The following NRG1 variants were observed in gnomAD, a reference collection of about 807,000 sequenced individuals.
NRG1 encodes the protein neuregulin 1.
NRG1 carries 18 observed loss-of-function variants against 63.8 expected under a neutral mutation model. The observed-to-expected ratio is 0.28, with a 90% CI of 0.19 to 0.42. The LOEUF (loss-of-function observed/expected upper bound fraction) is 0.42, where lower values mean the gene tolerates loss of function less well. Ranked by LOEUF, NRG1 falls within the 10% of genes least tolerant of loss-of-function variation. The pLI is 1.00. For missense variants in NRG1, 762 were observed against 814.7 expected, an observed-to-expected ratio of 0.94 and a Z score of 0.79; for synonymous variants, 302 against 301.3, an observed-to-expected ratio of 1.00 and a Z score of -0.02.
chr8:32,193,038 T>A (rs1259301901), intron 1 of NRG1, among the ~76,000 whole-genome samples: 2 of 152,190 alleles, frequency 1.3e-5, no homozygotes, highest in African/African-American at 2.4e-5. Context: ...CTGGTGCATA[T>A]ATAAATGAAT....
At chr8:32,505,211 G>T (rs1828379103) in intron 1 of NRG1, among the ~76,000 whole-genome samples, 1 of 152,164 alleles carries the variant, frequency 6.6e-6, no homozygotes, top group East Asian at 1.9e-4. Flanking sequence ...GGGGTTGGGG[G>T]GATGATTTTT....
At chr8:32,189,130 C>G (rs1370171659) in intron 1 of NRG1, among the ~76,000 whole-genome samples, 1 of 152,006 alleles carries the variant, frequency 6.6e-6, no homozygotes, top group African/African-American at 2.4e-5. Context: ...AAGATTTCAA[C>G]ATTTGCTTTA....
chr8:31,936,881 G>A (rs1020366367), intron 1 of NRG1, among the ~76,000 whole-genome samples: 3 of 152,152 alleles, frequency 2.0e-5, no homozygotes, highest in African/African-American at 7.2e-5. Context: ...TGCTCTTATA[G>A]CCAAGTAAAT....
At chr8:32,581,298 A>G (rs1180686484) in intron 1 of NRG1, among the ~76,000 whole-genome samples, 2 of 152,224 alleles carry the variant, frequency 1.3e-5, no homozygotes, top group Non-Finnish European at 2.9e-5. Context: ...GAAGAAGAAT[A>G]TAGAGCGTTC....
intron 1 of NRG1, among the ~76,000 whole-genome samples, chr8:31,933,529 G>A (rs1402363421): frequency 2.6e-5 from 4 of 152,058 alleles, no homozygotes; most frequent in African/African-American, 4.8e-5. Flanking sequence ...TGATCCACTC[G>A]CCTCAGCCTT....
At chr8:32,603,436 A>C (rs1444847785) in intron 2 of NRG1, among the ~76,000 whole-genome samples, 1 of 152,078 alleles carries the variant, frequency 6.6e-6, no homozygotes, top group Non-Finnish European at 1.5e-5. Flanking sequence ...TTGTTACCTC[A>C]TGTTTACCTG....
chr8:32,752,322 C>A (rs1013511406), intron 7 of NRG1, among the ~76,000 whole-genome samples: 3 of 152,138 alleles, frequency 2.0e-5, no homozygotes. Context: ...GAAATTAATT[C>A]CCTGTCCTGT....
At chr8:31,677,204 C>T (rs890156984) in intron 1 of NRG1, among the ~76,000 whole-genome samples, 1 of 152,096 alleles carries the variant, frequency 6.6e-6, no homozygotes, top group Non-Finnish European at 1.5e-5. Context: ...GATAGGACAT[C>T]GCTTTTGATA....
chr8:32,618,797 AG>A (rs973208109), intron 5 of NRG1, among the ~76,000 whole-genome samples: 3 of 152,162 alleles, frequency 2.0e-5, no homozygotes, highest in African/African-American at 4.8e-5. Flanking sequence ...ACAGTAGAGG[AG>A]GGGAGGGGAT....
At chr8:31,717,407 G>A (rs548687644) in intron 1 of NRG1, among the ~76,000 whole-genome samples, 3 of 82,756 alleles carry the variant, frequency 3.6e-5, no homozygotes, top group South Asian at 5.6e-4. Flanking sequence ...ACTCCATCTC[G>A]ACATTAAAAA....
chr8:32,432,518 GTAT>G (rs1316765148), intron 1 of NRG1, among the ~76,000 whole-genome samples: 1 of 151,932 alleles, frequency 6.6e-6, no homozygotes, highest in Non-Finnish European at 1.5e-5. Flanking sequence ...TTTTGTTTTT[GTAT>G]TATTATTTTT....
chr8:32,069,115 C>A (rs753006563), intron 1 of NRG1, among the ~76,000 whole-genome samples: 1 of 152,130 alleles, frequency 6.6e-6, no homozygotes, highest in Non-Finnish European at 1.5e-5. Context: ...AGGGATGAAC[C>A]GTCCTCAGGG....
chr8:32,279,337 C>A (rs1360810508), intron 1 of NRG1, among the ~76,000 whole-genome samples: 1 of 152,072 alleles, frequency 6.6e-6, no homozygotes, highest in Non-Finnish European at 1.5e-5. Context: ...GACACTGAGG[C>A]TCAAAAAGTT....
chr8:32,267,271 G>A (rs930077367), intron 1 of NRG1, among the ~76,000 whole-genome samples: 1 of 152,172 alleles, frequency 6.6e-6, no homozygotes, highest in African/African-American at 2.4e-5. Context: ...ACAATGGTCT[G>A]TAAACCACAT....
upstream of NRG1, among the ~76,000 whole-genome samples, chr8:32,547,388 C>A (rs189438876): frequency 1.3e-5 from 2 of 152,240 alleles, no homozygotes; most frequent in East Asian, 3.9e-4. Flanking sequence ...CCCTCCCTGC[C>A]TGCTTTTCCA....
chr8:32,662,215 G>C (rs533494793), intron 5 of NRG1, among the ~76,000 whole-genome samples: 4 of 152,216 alleles, frequency 2.6e-5, no homozygotes, highest in Middle Eastern at 3.4e-3. Flanking sequence ...AGGCTTCTTT[G>C]AAAAAGTAAC....
At chr8:32,339,218 A>G (rs778189458) in intron 1 of NRG1, among the ~76,000 whole-genome samples, 14 of 152,208 alleles carry the variant, frequency 9.2e-5, no homozygotes, top group Non-Finnish European at 1.8e-4. Context: ...AAAGTTGAAT[A>G]TACACCCATG....
At chr8:31,998,612 A>C (rs566274098) in intron 1 of NRG1, among the ~76,000 whole-genome samples, 1 of 151,994 alleles carries the variant, frequency 6.6e-6, no homozygotes, top group African/African-American at 2.4e-5. Flanking sequence ...TCATGAGTCA[A>C]TAGGAACTTT....
rs1158508289 is a variant in NRG1 at position 31,796,414 on chromosome 8, C to CTTTTT, written c.37+157015_37+157019dup. On this transcript the variant is annotated intron_variant, in intron 1 of 10. Coordinates refer to the NRG1 transcript ENST00000519301. ...ATAACCAAATAAGATGGCGTATAAT[C>CTTTTT]TTTTTTTTTTTTTTTTTTTTTTTTT... Among the ~76,000 whole-genome samples, 78 of 43,376 alleles carry CTTTTT rather than the reference C, an allele frequency of 1.8e-3. 21 individuals carry two copies. The highest frequency in any genetic ancestry group is 6.9e-3 in the Admixed American group (16 of 2,330). 28.5% of individuals were successfully genotyped at this position (43,376 alleles called of 152,430 possible). A position where few individuals can be genotyped will look rare whatever the true frequency, so the allele number is the denominator to read the frequency against.
Sources: allele counts gnomAD v4.1 joint callset (sites outside exome capture counted in the v4.1 genomes callset), GRCh38; gene constraint gnomAD v4.1.1; transcripts MANE v1.5; gene names NCBI Gene and HGNC (gene_info 2026-07-23, HGNC 2026-07-21).